PCSK5: variants seen among roughly 807,000 people sequenced by gnomAD.
PCSK5 encodes the protein proprotein convertase subtilisin/kexin type 5.
Under a neutral mutation model 233.2 loss-of-function variants are expected in PCSK5, and 129 were observed. That is an observed-to-expected ratio of 0.55 (90% CI 0.48 to 0.64). PCSK5 has a LOEUF of 0.64. Ranked by LOEUF, PCSK5 falls within the 30% of genes least tolerant of loss-of-function variation. PCSK5 has a pLI of 0.00. For synonymous variants in PCSK5, 825 were observed against 879.2 expected, an observed-to-expected ratio of 0.94 and a Z score of 1.09; for missense variants, 2,076 against 2,430.1, an observed-to-expected ratio of 0.85 and a Z score of 3.06.
chr9:76,010,338 C>G (rs927248384), intron 3 of PCSK5, among the ~76,000 whole-genome samples: 2 of 152,154 alleles, frequency 1.3e-5, no homozygotes, highest in South Asian at 4.1e-4. Context: ...ACATTCCAAA[C>G]TATTAATGGT....
At chr9:75,897,299 A>G (rs1160538231) in intron 1 of PCSK5, among the ~76,000 whole-genome samples, 3 of 152,146 alleles carry the variant, frequency 2.0e-5, no homozygotes, top group South Asian at 4.2e-4. Flanking sequence ...AGGAAGAGGA[A>G]TAAGTGTTGT....
intron 1 of PCSK5, among the ~76,000 whole-genome samples, chr9:75,898,946 G>A (rs542711877): frequency 2.0e-3 from 299 of 152,362 alleles, no homozygotes; most frequent in Non-Finnish European, 3.5e-3. Flanking sequence ...GTATGGTTCA[G>A]TCACGCCTTG....
chr9:76,131,804 T>G (rs1014234490), intron 9 of PCSK5, among the ~76,000 whole-genome samples: 2 of 152,126 alleles, frequency 1.3e-5, no homozygotes, highest in African/African-American at 4.8e-5. Context: ...CATGAGACAT[T>G]GACTTCTTTT....
At chr9:75,970,242 A>T (rs4130034) in intron 2 of PCSK5, among the ~76,000 whole-genome samples, 2 of 152,040 alleles carry the variant, frequency 1.3e-5, no homozygotes, top group South Asian at 4.1e-4. Flanking sequence ...TCAATCTCTC[A>T]TTAATTCAAT....
At chr9:76,269,125 A>AT (rs1385465674) in intron 24 of PCSK5, among the ~76,000 whole-genome samples, 1 of 152,182 alleles carries the variant, frequency 6.6e-6, no homozygotes, top group African/African-American at 2.4e-5. Flanking sequence ...GCCCCAACCA[A>AT]TTGCTGCATG....
At chr9:75,910,510 A>C (rs78021191) in intron 1 of PCSK5, among the ~76,000 whole-genome samples, 2,745 of 152,104 alleles carry the variant, frequency 0.018, 38 homozygotes, top group South Asian at 0.035. Context: ...GGTTCTTTGC[A>C]TGAAACTTAT....
At chr9:75,950,956 A>G (rs76043434) in intron 2 of PCSK5, among the ~76,000 whole-genome samples, 2,673 of 152,316 alleles carry the variant, frequency 0.018, 65 homozygotes, top group African/African-American at 0.06. Context: ...TTCAGATTGT[A>G]TGATTATAGG....
At chr9:76,214,590 GA>G (rs955958107) in intron 20 of PCSK5, among the ~76,000 whole-genome samples, 28 of 152,220 alleles carry the variant, frequency 1.8e-4, no homozygotes, top group African/African-American at 5.8e-4. Flanking sequence ...CCTTGGGGAT[GA>G]TTTAAAAAAC....
chr9:76,065,960 A>G (rs1830271616), intron 5 of PCSK5, among the ~76,000 whole-genome samples: 1 of 152,146 alleles, frequency 6.6e-6, no homozygotes. Flanking sequence ...AGTTGGCTGT[A>G]TATGCATAGA....
intron 2 of PCSK5, among the ~76,000 whole-genome samples, chr9:75,970,201 A>G (rs1317604169): frequency 6.6e-6 from 1 of 152,154 alleles, no homozygotes; most frequent in African/African-American, 2.4e-5. Context: ...ATCAGTAACC[A>G]TCACACCTTC....
In PCSK5 at chr9:76,002,969, G is replaced by C. The variant is rs376237511; in HGVS notation, c.411+16724G>C. Among the ~76,000 whole-genome samples the C allele has an allele frequency of 5.3e-5, 8 of 152,306 alleles. 1 individual carries two copies. The East Asian group carries it at 1.5e-3, about 29-fold the overall frequency. ...CCTTGGTATGCCGAGAAAAATTCTCGTGGGTACACACTTTGCTTTCCATCT... is the reference window on the plus strand; with the variant it reads ...CCTTGGTATGCCGAGAAAAATTCTCCTGGGTACACACTTTGCTTTCCATCT... On this transcript the variant is annotated intron_variant, in intron 3 of 37. Coordinates refer to ENST00000674117, the MANE Select transcript of PCSK5 (RefSeq NM_001372043.1).
In PCSK5 at chr9:76,332,545, G is replaced by A; in HGVS notation, c.4683G>A (p.Gln1561=). 1 of 1,612,438 alleles carries A rather than the reference G, an allele frequency of 6.2e-7. No homozygotes were observed. Among genetic ancestry groups the A allele is most frequent in the Non-Finnish European group, 8.5e-7 (1 of 1,179,634 alleles). ...CATGTGAAGGGAGACACAGCAGGCA[G>A]TGCCACTCCTGCCGACCGGGCTGGT... ...CRTCEGRHSR[Q]CHSCRPGWFQ... The change falls in exon 34 of 38, where the codon CAG becomes CAA. Residue 1561 remains glutamine (Q), a synonymous_variant. Coordinates refer to ENST00000674117, the MANE Select transcript of PCSK5 (RefSeq NM_001372043.1).
chr9:75,967,169 G>A (rs1306318930), intron 2 of PCSK5, among the ~76,000 whole-genome samples: 2 of 151,948 alleles, frequency 1.3e-5, no homozygotes, highest in Admixed American at 1.3e-4. Flanking sequence ...TTGTTACATG[G>A]GTATATTGCC....
At chr9:76,280,930 A>T (rs1451864991) in intron 24 of PCSK5, among the ~76,000 whole-genome samples, 1 of 147,722 alleles carries the variant, frequency 6.8e-6, no homozygotes, top group African/African-American at 2.6e-5. Context: ...TAGAAAATCA[A>T]ACCACAACAT....
At chr9:76,333,912 AAAAG>A (rs1462598225) in intron 34 of PCSK5, among the ~76,000 whole-genome samples, 2 of 152,348 alleles carry the variant, frequency 1.3e-5, no homozygotes, top group East Asian at 3.9e-4. Context: ...TAAGATGAGT[AAAAG>A]AAAGACTGAC....
At chr9:75,967,404 G>A (rs766184717) in intron 2 of PCSK5, among the ~76,000 whole-genome samples, 9 of 152,184 alleles carry the variant, frequency 5.9e-5, no homozygotes, top group Non-Finnish European at 1.0e-4. Context: ...AGCTGCATCC[G>A]TGTTGCTGCA....
chr9:76,246,669 A>T (rs1483521477), intron 24 of PCSK5, among the ~76,000 whole-genome samples: 1 of 152,236 alleles, frequency 6.6e-6, no homozygotes, highest in Non-Finnish European at 1.5e-5. Flanking sequence ...ACTATCAGAA[A>T]CAACCTAAAT....
intron 10 of PCSK5, among the ~76,000 whole-genome samples, chr9:76,137,052 G>A (rs947656852): frequency 1.3e-5 from 2 of 152,092 alleles, no homozygotes; most frequent in African/African-American, 2.4e-5. Context: ...GATGATGTGT[G>A]AGCTAGACTT....
At chr9:75,923,352 A>G (rs1823336538) in intron 1 of PCSK5, among the ~76,000 whole-genome samples, 1 of 152,208 alleles carries the variant, frequency 6.6e-6, no homozygotes, top group South Asian at 2.1e-4. Flanking sequence ...TGTCAATTAC[A>G]CAGTGGCTTT....
Sources: allele counts gnomAD v4.1 joint callset (sites outside exome capture counted in the v4.1 genomes callset), GRCh38; gene constraint gnomAD v4.1.1; transcripts MANE v1.5; gene names NCBI Gene and HGNC (gene_info 2026-07-23, HGNC 2026-07-21).